The following EFR3B variants were observed in gnomAD, a reference collection of about 807,000 sequenced individuals.
EFR3B encodes the protein protein EFR3 homolog B.
EFR3B carries 64 observed loss-of-function variants against 104.7 expected under a neutral mutation model. The ratio of observed to expected loss-of-function variants is 0.61; its 90% CI spans 0.50 to 0.75. The LOEUF (loss-of-function observed/expected upper bound fraction) is 0.75, where lower values mean the gene tolerates loss of function less well. EFR3B is among the 30% of genes least tolerant of loss of function. The pLI is 0.00. For synonymous variants in EFR3B, 385 were observed against 417.9 expected (o/e 0.92, Z 0.96); for missense variants, 750 against 1,078.5 (o/e 0.70, Z 4.27).
rs1192860040 is a variant in EFR3B, at chr2:25,103,869, A to T, written c.363+82A>T. ...GGGAGAGGGAGACCTCGGGGTCGGC[A>T]CTGTCATGTTCTGTTCCTTCTTGGT... is the stretch of plus-strand genomic sequence containing the variant. On this transcript the variant is annotated intron_variant, in intron 4 of 22. Transcript: ENST00000403714. 3.3e-6 allele frequency: 5 copies of T among 1,512,212 alleles called. No individual in the cohort carries two copies. In the South Asian group the frequency reaches 5.1e-5, roughly 15 times the overall value. 93.7% of individuals were successfully genotyped at this position (1,512,212 alleles called of 1,614,324 possible).
intron 1 of EFR3B, among the ~76,000 whole-genome samples, chr2:25,077,852 G>A (rs180944798): frequency 2.6e-5 from 4 of 152,240 alleles, no homozygotes; most frequent in South Asian, 2.1e-4. Flanking sequence ...GCAAGGAAAA[G>A]GGGAAAAGAA....
Position 25,042,536 on chromosome 2 carries a change from G to A in EFR3B, c.7+217G>A, listed in dbSNP as rs1311258358. Reference sequence around the variant, plus strand: ...CCCTGGGGTCCTCTCCAGGCCCGGCGCGTGCCGGTGCTGGGCGGTGGTCCT... The same window carrying A: ...CCCTGGGGTCCTCTCCAGGCCCGGCACGTGCCGGTGCTGGGCGGTGGTCCT... On this transcript the variant is annotated intron_variant, in intron 1 of 22. Coordinates refer to ENST00000403714, the MANE Select transcript of EFR3B (RefSeq NM_014971.2). The surrounding 1 kb of genome is among the most constrained non-coding windows in gnomAD (Gnocchi z 5.4). 3.3e-6 allele frequency: 4 copies of A among 1,207,306 alleles called. No individual in the cohort carries two copies. In the East Asian group the frequency reaches 1.3e-4, roughly 40 times the overall value. The allele number at this position is 1,207,306 out of a possible 1,614,324, so 74.8% of individuals were successfully genotyped here. A position where few individuals can be genotyped will look rare whatever the true frequency, so the allele number is the denominator to read the frequency against.
Position 25,042,540 on chromosome 2 carries a change from G to T in EFR3B, c.7+221G>T. Reference sequence around the variant, plus strand: ...GGGGTCCTCTCCAGGCCCGGCGCGTGCCGGTGCTGGGCGGTGGTCCTTCGG... The same window carrying T: ...GGGGTCCTCTCCAGGCCCGGCGCGTTCCGGTGCTGGGCGGTGGTCCTTCGG... On this transcript the variant is annotated intron_variant, in intron 1 of 22. Coordinates refer to ENST00000403714, the MANE Select transcript of EFR3B (RefSeq NM_014971.2). This position sits in a 1 kb window ranked among gnomAD's most constrained non-coding sequence, Gnocchi z 5.4. The T allele has an allele frequency of 8.3e-7, 1 of 1,207,278 alleles. No individual in the cohort carries two copies. The highest frequency in any genetic ancestry group is 1.0e-6 in the Non-Finnish European group (1 of 972,438). 74.8% of individuals were successfully genotyped at this position (1,207,278 alleles called of 1,614,324 possible).
chr2:25,047,339 T>TA (rs1667750173), intron 1 of EFR3B, among the ~76,000 whole-genome samples: 1 of 152,006 alleles, frequency 6.6e-6, no homozygotes, highest in African/African-American at 2.4e-5. Flanking sequence ...GACCCTCGGG[T>TA]AATCTTGAAC....
At chr2:25,047,965 T>C (rs1165837644) in intron 1 of EFR3B, among the ~76,000 whole-genome samples, 3 of 152,134 alleles carry the variant, frequency 2.0e-5, no homozygotes, top group Non-Finnish European at 4.4e-5. Flanking sequence ...ATAAACAATA[T>C]AACATTTACT....
rs1246707525 is a variant in EFR3B, at chr2:25,137,503, G to A, written c.1722+1G>A. 6.4e-7 allele frequency: 1 copy of A among 1,551,748 alleles called. No homozygotes were observed. Among genetic ancestry groups the A allele is most frequent in the Non-Finnish European group, 8.7e-7 (1 of 1,147,000 alleles). On this transcript the variant is annotated splice_donor_variant, in intron 15 of 22. Coordinates refer to ENST00000403714, the MANE Select transcript of EFR3B (RefSeq NM_014971.2). LOFTEE classifies it high-confidence loss of function. This position sits in a 1 kb window ranked among gnomAD's most constrained non-coding sequence, Gnocchi z 4.7. Reference sequence around the variant, plus strand: ...CATCCGTCTGGTGCTGGCTGTTCAGGTGGGGCCTGGTGTGCGCAGGGCATG... The same window carrying A: ...CATCCGTCTGGTGCTGGCTGTTCAGATGGGGCCTGGTGTGCGCAGGGCATG...
chr2:25,126,155 GCA>G (rs1670162127), intron 5 of EFR3B, among the ~76,000 whole-genome samples: 2 of 152,156 alleles, frequency 1.3e-5, no homozygotes, highest in Non-Finnish European at 2.9e-5. Context: ...GGGGGTGGGG[GCA>G]GTTATTTTGG....
At chr2:25,119,390 G>A (rs1011829637) in intron 4 of EFR3B, among the ~76,000 whole-genome samples, 2 of 152,216 alleles carry the variant, frequency 1.3e-5, no homozygotes, top group Non-Finnish European at 2.9e-5. Flanking sequence ...CGGGGAACAT[G>A]CTGCCGGTGG....
rs1222758239 is a variant in EFR3B at position 25,135,749 on chromosome 2, G to A, written c.1484+110G>A. 3.0e-5 allele frequency: 38 copies of A among 1,257,798 alleles called. 1 individual carries two copies. The South Asian group carries it at 5.2e-4, about 17-fold the overall frequency. The allele number at this position is 1,257,798 out of a possible 1,614,324, so 77.9% of individuals were successfully genotyped here. A position where few individuals can be genotyped will look rare whatever the true frequency, so the allele number is the denominator to read the frequency against. ...CCCAGGTTCCCACCTCAGTATCTGA[G>A]TATTGTGGGATCTGAGTATCCCACA... On this transcript the variant is annotated intron_variant, in intron 13 of 22. Coordinates refer to ENST00000403714, the MANE Select transcript of EFR3B (RefSeq NM_014971.2).
rs1240032415 is a variant in EFR3B, at chr2:25,148,738, C to T, written c.2143-956C>T. Among the ~76,000 whole-genome samples, 54 of 147,300 alleles carry T rather than the reference C, an allele frequency of 3.7e-4. No homozygotes were observed. In the South Asian group the frequency reaches 5.2e-3, roughly 14 times the overall value. On this transcript the variant is annotated intron_variant, in intron 19 of 22. Transcript: ENST00000403714. ...GAGATCGAGACCATCCCGGCTAAAA[C>T]GGTGAAACCCCGTCTCTACTAAAAA...
intron 4 of EFR3B, among the ~76,000 whole-genome samples, chr2:25,120,977 C>G (rs1669997004): frequency 6.6e-6 from 1 of 152,036 alleles, no homozygotes; most frequent in South Asian, 2.1e-4. Flanking sequence ...TCTCGGCTCA[C>G]TACAACCTCC....
rs1283605866 is a variant in EFR3B, at chr2:25,130,685, C to T, written c.849+55C>T. 6.8e-7 allele frequency: 1 copy of T among 1,468,598 alleles called. No individual in the cohort carries two copies. The highest frequency in any genetic ancestry group is 9.3e-7 in the Non-Finnish European group (1 of 1,071,750). The allele number at this position is 1,468,598 out of a possible 1,614,324, so 91.0% of individuals were successfully genotyped here. On this transcript the variant is annotated intron_variant, in intron 8 of 22. Transcript: ENST00000403714. This position sits in a 1 kb window ranked among gnomAD's most constrained non-coding sequence, Gnocchi z 4.6. ...CCCAGGACAAAGGCCTCTCTAGAAG[C>T]TAGACGGGTGCTAAAATAGAAAGCC...
intron 1 of EFR3B, among the ~76,000 whole-genome samples, chr2:25,089,171 G>A (rs1317278546): frequency 2.0e-5 from 3 of 152,178 alleles, no homozygotes; most frequent in African/African-American, 7.2e-5. Flanking sequence ...CTGAGTTGGT[G>A]TCCCCAGACC....
chr2:25,075,399 T>C (rs1276526694), intron 1 of EFR3B, among the ~76,000 whole-genome samples: 1 of 152,202 alleles, frequency 6.6e-6, no homozygotes, highest in African/African-American at 2.4e-5. Flanking sequence ...GCAGTTAAAA[T>C]AATAGGCACT....
At chr2:25,091,889 T>C (rs10185817) in intron 2 of EFR3B, among the ~76,000 whole-genome samples, 21,239 of 152,024 alleles carry the variant, frequency 0.14, 3,134 homozygotes, top group African/African-American at 0.36. Flanking sequence ...CCTCTCCACC[T>C]GTCAGGCTGC....
intron 1 of EFR3B, among the ~76,000 whole-genome samples, chr2:25,051,339 T>A (rs1667863195): frequency 6.6e-6 from 1 of 152,156 alleles, no homozygotes; most frequent in Non-Finnish European, 1.5e-5. Flanking sequence ...GGTCTCGACC[T>A]CCTGACCTCA....
chr2:25,054,486 T>G (rs1448690259), intron 1 of EFR3B, among the ~76,000 whole-genome samples: 1 of 151,996 alleles, frequency 6.6e-6, no homozygotes, highest in Non-Finnish European at 1.5e-5. Flanking sequence ...CACTCCCAGC[T>G]AATTTTTTGT....
chr2:25,065,082 G>GA (rs1668296069), intron 1 of EFR3B, among the ~76,000 whole-genome samples: 2 of 152,108 alleles, frequency 1.3e-5, no homozygotes, highest in African/African-American at 4.8e-5. Flanking sequence ...CACCTGGCGG[G>GA]GGGGGCGGGG....
intron 5 of EFR3B, among the ~76,000 whole-genome samples, chr2:25,123,222 T>C (rs1216897992): frequency 6.6e-6 from 1 of 151,962 alleles, no homozygotes; most frequent in Non-Finnish European, 1.5e-5. Flanking sequence ...TAGCTGGGCA[T>C]GACTGCACGT....
Sources: gnomAD v4.1 joint callset for allele counts (sites outside exome capture counted in the v4.1 genomes callset) on GRCh38, gnomAD v4.1.1 for gene constraint, Gnocchi (gnomAD v3.1) non-coding constraint, MANE v1.5 for transcripts, NCBI Gene and HGNC (gene_info 2026-07-23, HGNC 2026-07-21) for gene names.